Variants in SBF2 observed in about 807,000 individuals in gnomAD.
SBF2 encodes the protein myotubularin-related protein 13.
Under a neutral mutation model 225.2 loss-of-function variants are expected in SBF2, and 112 were observed. The observed-to-expected ratio is 0.50, with a 90% CI of 0.43 to 0.58. The LOEUF is 0.58. SBF2 is among the 20% of genes least tolerant of loss of function. The pLI, the probability that SBF2 is intolerant of heterozygous loss-of-function variation, is 0.00. For synonymous variants in SBF2, 763 were observed against 773.3 expected (o/e 0.99, Z 0.22); for missense variants, 1,996 against 2,206.2 (o/e 0.90, Z 1.91).
intron 17 of SBF2, among the ~76,000 whole-genome samples, chr11:9,885,752 A>C (rs1860238321): frequency 6.6e-6 from 1 of 152,168 alleles, no homozygotes; most frequent in Admixed American, 6.6e-5. Flanking sequence ...TTCTGTTGTA[A>C]AAATTTTATT....
chr11:9,830,044 G>A (rs1855294291), intron 27 of SBF2, among the ~76,000 whole-genome samples: 1 of 152,210 alleles, frequency 6.6e-6, no homozygotes, highest in African/African-American at 2.4e-5. Context: ...GGAAGAAGAT[G>A]GGGAGAAGAT....
intron 16 of SBF2, among the ~76,000 whole-genome samples, chr11:9,938,101 T>C (rs191915335): frequency 0.012 from 1,815 of 151,706 alleles, 41 homozygotes; most frequent in African/African-American, 0.041. Context: ...ACCATCCTGG[T>C]TAACACAGTG....
Position 9,856,534 on chromosome 11 carries a change from T to G in SBF2, c.2287A>C (p.Thr763Pro). Residue 763 changes from threonine (T) to proline (P), a missense_variant, in exon 19 of 40, where the codon ACA becomes CCA. Thr to Pro is a conservative substitution (Grantham distance 38). Coordinates refer to ENST00000256190, the MANE Select transcript of SBF2 (RefSeq NM_030962.4). ...LMVNLLVPLD[T>P]SKNKLLRTSA... is the part of the protein sequence containing the mutation. The stretch of plus-strand genomic sequence containing the variant: ...GTTCTTAGGAGCTTGTTTTTACTTG[T>G]GTCGAGTGGAACTAGCAGGTTCACC... 1 of 1,614,192 alleles carries G rather than the reference T, an allele frequency of 6.2e-7. No homozygotes were observed. The highest frequency in any genetic ancestry group is 8.5e-7 in the Non-Finnish European group (1 of 1,180,032).
At chr11:10,293,880 C>CGCCG in intron 1 of SBF2, 135 bp downstream of exon 1, 2 of 585,418 alleles carry the variant, frequency 3.4e-6, no homozygotes. Context: ...GAAGGCCGGA[C>CGCCG]GCCGACCGCC....
chr11:10,020,633 T>A (rs1487059835), intron 6 of SBF2, among the ~76,000 whole-genome samples: 1 of 152,164 alleles, frequency 6.6e-6, no homozygotes, highest in African/African-American at 2.4e-5. Context: ...CTTGGCTGAA[T>A]TTTTTCTTCT....
chr11:9,864,129 G>C (rs1857988754), intron 17 of SBF2, among the ~76,000 whole-genome samples: 1 of 152,150 alleles, frequency 6.6e-6, no homozygotes, highest in Admixed American at 6.5e-5. Flanking sequence ...TAGTTAGTGG[G>C]ATTTACAGAA....
At chr11:10,149,600 T>G (rs1002573492) in intron 2 of SBF2, 3 of 152,162 alleles carry the variant, frequency 2.0e-5, no homozygotes, top group African/African-American at 7.2e-5. Flanking sequence ...TGACATAGAT[T>G]TCTAGCCATC....
intron 17 of SBF2, among the ~76,000 whole-genome samples, chr11:9,867,021 G>A (rs1006112576): frequency 2.6e-5 from 4 of 152,136 alleles, no homozygotes; most frequent in Non-Finnish European, 4.4e-5. Context: ...AAACCACAAT[G>A]AGATGGGTAC....
At chr11:10,053,995 T>A (rs1950158662) in intron 2 of SBF2, among the ~76,000 whole-genome samples, 1 of 152,122 alleles carries the variant, frequency 6.6e-6, no homozygotes, top group Non-Finnish European at 1.5e-5. Flanking sequence ...TTTAAGAGTT[T>A]GTGACATCTC....
At position 10,246,369 on chromosome 11, in the gene SBF2, C is replaced by T. The variant is rs772559091; in HGVS notation, c.55+47646G>A. On this transcript the variant is annotated intron_variant, in intron 1 of 39. Coordinates refer to ENST00000256190, the MANE Select transcript of SBF2 (RefSeq NM_030962.4). Reference sequence around the variant, plus strand: ...CGCAATTTCGGCTCACTGCAACCTCCGCCTCCCGGGTTCAAGCAATTCTCC... The same window carrying T: ...CGCAATTTCGGCTCACTGCAACCTCTGCCTCCCGGGTTCAAGCAATTCTCC... 3.9e-5 allele frequency among the ~76,000 whole-genome samples: 6 copies of T among 152,246 alleles called. No homozygotes were observed. The East Asian group carries it at 9.7e-4, about 25-fold the overall frequency.
chr11:10,057,817 C>T (rs1307280662), intron 2 of SBF2, among the ~76,000 whole-genome samples: 1 of 152,168 alleles, frequency 6.6e-6, no homozygotes, highest in Non-Finnish European at 1.5e-5. Flanking sequence ...GGAAGCCACA[C>T]AACCAAGCAA....
chr11:9,948,038 T>G (rs1565045352), intron 16 of SBF2, among the ~76,000 whole-genome samples: 1 of 152,138 alleles, frequency 6.6e-6, no homozygotes, highest in Non-Finnish European at 1.5e-5. Context: ...CAACCCAAAG[T>G]GTCCACTGAC....
chr11:9,980,417 T>G (rs920444231), intron 13 of SBF2, among the ~76,000 whole-genome samples: 3 of 151,546 alleles, frequency 2.0e-5, no homozygotes, highest in African/African-American at 7.3e-5. Context: ...ATCACAGGCA[T>G]GAGCCACCAC....
chr11:10,085,461 T>C (rs868511805), intron 2 of SBF2, among the ~76,000 whole-genome samples: 6 of 152,220 alleles, frequency 3.9e-5, no homozygotes, highest in Non-Finnish European at 7.3e-5. Flanking sequence ...TATGTTTATT[T>C]CAATGACTGT....
At position 10,028,546 on chromosome 11, in the gene SBF2, A is replaced by G. The variant is rs2134627335; in HGVS notation, c.525T>C (p.Ser175=). 1.2e-6 allele frequency: 2 copies of G among 1,610,324 alleles called. No individual in the cohort carries two copies. Among genetic ancestry groups the G allele is most frequent in the Non-Finnish European group, 1.7e-6 (2 of 1,176,546 alleles). ...TCAACTGTCTATCTCCTGCACCCAA[A>G]GAAAACAGCTTCTGCAGAATGGGAG... ...PAAGGSQKLF[S]LGAGDRQLIQ... Residue 175 remains serine, a synonymous_variant, in exon 6 of 40, where the codon TCT becomes TCC. Coordinates refer to ENST00000256190, the MANE Select transcript of SBF2 (RefSeq NM_030962.4).
At chr11:9,953,169 G>C (rs1223046447) in intron 16 of SBF2, among the ~76,000 whole-genome samples, 1 of 152,222 alleles carries the variant, frequency 6.6e-6, no homozygotes, top group Non-Finnish European at 1.5e-5. Flanking sequence ...TATTGGGTTG[G>C]GCACAGTGGC....
At chr11:9,889,912 T>G (rs1860654178) in intron 17 of SBF2, among the ~76,000 whole-genome samples, 1 of 152,184 alleles carries the variant, frequency 6.6e-6, no homozygotes, top group Non-Finnish European at 1.5e-5. Context: ...TATTTCTATT[T>G]TTTATTTTTG....
intron 6 of SBF2, among the ~76,000 whole-genome samples, chr11:10,003,298 G>A (rs1948051172): frequency 6.6e-6 from 1 of 151,446 alleles, no homozygotes; most frequent in Non-Finnish European, 1.5e-5. Flanking sequence ...TATACTTATT[G>A]TAATTATTGA....
At chr11:10,062,084 C>T (rs1950466830) in intron 2 of SBF2, among the ~76,000 whole-genome samples, 1 of 152,186 alleles carries the variant, frequency 6.6e-6, no homozygotes, top group Non-Finnish European at 1.5e-5. Flanking sequence ...CTGACAAAAA[C>T]TAGCAATGGA....
Sources: gnomAD v4.1 joint callset for allele counts (sites outside exome capture counted in the v4.1 genomes callset) on GRCh38, gnomAD v4.1.1 for gene constraint, MANE v1.5 for transcripts, NCBI Gene and HGNC (gene_info 2026-07-23, HGNC 2026-07-21) for gene names.